Variants in LRRC4C observed in about 807,000 individuals in gnomAD.
LRRC4C encodes leucine rich repeat containing 4C, also known as leucine-rich repeat-containing protein 4C.
LRRC4C carries 5 observed loss-of-function variants against 33.6 expected under a neutral mutation model. That is an observed-to-expected ratio of 0.15 (90% CI 0.08 to 0.31). The LOEUF is 0.31. Ranked by LOEUF, LRRC4C falls within the 10% of genes least tolerant of loss-of-function variation. The pLI, the probability that LRRC4C is intolerant of heterozygous loss-of-function variation, is 1.00. For missense variants in LRRC4C, 560 were observed against 796.7 expected (o/e 0.70, Z 3.58); for synonymous variants, 329 against 302.0 (o/e 1.09, Z -0.93).
Position 41,080,542 on chromosome 11 carries a change from G to A in LRRC4C, c.-495-146819C>T, listed in dbSNP as rs143467259. Among the ~76,000 whole-genome samples the A allele has an allele frequency of 2.3e-3, 346 of 151,868 alleles. 2 individuals are homozygous for A. The highest frequency in any genetic ancestry group is 7.5e-3 in the African/African-American group (312 of 41,438). ...AATTTTTTGTATTTTTAGTAGAGAC[G>A]GAGTTTCTCCATGGTGGTCAGGCTG... On this transcript the variant is annotated intron_variant, in intron 1 of 6. Coordinates refer to ENST00000528697, the MANE Select transcript of LRRC4C (RefSeq NM_001258419.2).
chr11:40,769,396 C>CA (rs1949643149), intron 2 of LRRC4C, among the ~76,000 whole-genome samples: 1 of 152,084 alleles, frequency 6.6e-6, no homozygotes. Flanking sequence ...TTAAAATGTG[C>CA]ATGGTACCCA....
At chr11:40,460,870 A>C (rs1452302677) in intron 3 of LRRC4C, among the ~76,000 whole-genome samples, 2 of 152,162 alleles carry the variant, frequency 1.3e-5, no homozygotes, top group African/African-American at 4.8e-5. Context: ...TTCATATAAA[A>C]ACAATCATAA....
chr11:40,565,863 A>C (rs115481052), intron 3 of LRRC4C, among the ~76,000 whole-genome samples: 2,570 of 152,180 alleles, frequency 0.017, 89 homozygotes, highest in African/African-American at 0.058. Context: ...GAAAAATTTT[A>C]AAAAAGACAA....
At chr11:40,904,096 A>G (rs2136211604) in intron 2 of LRRC4C, among the ~76,000 whole-genome samples, 1 of 152,296 alleles carries the variant, frequency 6.6e-6, no homozygotes, top group East Asian at 1.9e-4. Flanking sequence ...ATGAGGAGTT[A>G]CTTCTGAGGG....
intron 3 of LRRC4C, among the ~76,000 whole-genome samples, chr11:40,323,146 C>T (rs1403985648): frequency 6.6e-6 from 1 of 152,088 alleles, no homozygotes; most frequent in African/African-American, 2.4e-5. Context: ...CACTCAAAGG[C>T]AGAAGTTCTC....
chr11:40,504,272 T>G (rs895377911), intron 3 of LRRC4C, among the ~76,000 whole-genome samples: 1 of 152,170 alleles, frequency 6.6e-6, no homozygotes, highest in Non-Finnish European at 1.5e-5. Context: ...ATATAACTTT[T>G]GTGAGTTTAA....
At chr11:40,295,563 TTC>T (rs1944468319) in intron 4 of LRRC4C, among the ~76,000 whole-genome samples, 1 of 152,182 alleles carries the variant, frequency 6.6e-6, no homozygotes, top group African/African-American at 2.4e-5. Flanking sequence ...TTTTTTCCTC[TTC>T]TGTTCCCATT....
At chr11:41,201,330 G>C (rs924836880) in intron 1 of LRRC4C, among the ~76,000 whole-genome samples, 3 of 152,168 alleles carry the variant, frequency 2.0e-5, no homozygotes, top group Non-Finnish European at 4.4e-5. Flanking sequence ...TAGGGAGCTC[G>C]TGTTCCCAAA....
At chr11:40,428,383 G>T (rs1485880819) in intron 3 of LRRC4C, among the ~76,000 whole-genome samples, 1 of 152,082 alleles carries the variant, frequency 6.6e-6, no homozygotes, top group Non-Finnish European at 1.5e-5. Context: ...CTTAGTCTCA[G>T]TTTTCCCATC....
intron 5 of LRRC4C, among the ~76,000 whole-genome samples, chr11:40,241,280 G>A (rs547484454): frequency 6.6e-6 from 1 of 152,244 alleles, no homozygotes; most frequent in Admixed American, 6.5e-5. Flanking sequence ...TACTCGGGAG[G>A]CTGAGATGGG....
At chr11:40,407,730 T>G (rs2137604629) in intron 3 of LRRC4C, among the ~76,000 whole-genome samples, 1 of 152,218 alleles carries the variant, frequency 6.6e-6, no homozygotes, top group African/African-American at 2.4e-5. Flanking sequence ...TGAAATATGG[T>G]TAGGCAATTT....
At chr11:41,385,998 A>G (rs1057420443) in intron 1 of LRRC4C, among the ~76,000 whole-genome samples, 2 of 151,648 alleles carry the variant, frequency 1.3e-5, no homozygotes, top group East Asian at 3.9e-4. Flanking sequence ...AAGCTATGCA[A>G]TTTTTATAAG....
chr11:41,346,573 G>A lies in LRRC4C; in HGVS notation c.-496+112858C>T, dbSNP rs189556458. On this transcript the variant is annotated intron_variant, in intron 1 of 6. Transcript: ENST00000528697. ...GAAAAATTATCAAACCAATACTATT[G>A]TAAACATGTTTTTCAGAGTACTAAT... 3.9e-5 allele frequency among the ~76,000 whole-genome samples: 6 copies of A among 152,208 alleles called. No individual in the cohort carries two copies. The East Asian group carries it at 1.2e-3, about 29-fold the overall frequency.
chr11:40,939,529 A>G (rs377411864), intron 1 of LRRC4C, among the ~76,000 whole-genome samples: 28 of 152,264 alleles, frequency 1.8e-4, no homozygotes, highest in African/African-American at 6.7e-4. Flanking sequence ...TCAAGACACA[A>G]TAGTTAACTG....
intron 1 of LRRC4C, among the ~76,000 whole-genome samples, chr11:41,188,901 GCCC>G (rs531976924): frequency 5.1e-4 from 64 of 124,346 alleles, no homozygotes; most frequent in African/African-American, 1.4e-3. Context: ...AACAGGACCT[GCCC>G]CCCCCCCCAA....
chr11:41,087,364 C>T (rs1174220885), intron 1 of LRRC4C, among the ~76,000 whole-genome samples: 1 of 152,124 alleles, frequency 6.6e-6, no homozygotes, highest in Non-Finnish European at 1.5e-5. Context: ...CTACCCAGCT[C>T]CACCAAACAT....
At chr11:40,181,567 T>C (rs1434427375) in intron 5 of LRRC4C, among the ~76,000 whole-genome samples, 2 of 152,208 alleles carry the variant, frequency 1.3e-5, no homozygotes, top group Non-Finnish European at 2.9e-5. Flanking sequence ...TAGATGGCAA[T>C]CATGAAAGTC....
chr11:40,211,266 G>A (rs374110933), intron 5 of LRRC4C, among the ~76,000 whole-genome samples: 166 of 152,150 alleles, frequency 1.1e-3, no homozygotes, highest in Admixed American at 1.2e-3. Context: ...ACCTAAACCC[G>A]TGCTTGGCAC....
chr11:40,792,319 A>G (rs1042065176), intron 2 of LRRC4C, among the ~76,000 whole-genome samples: 3 of 152,318 alleles, frequency 2.0e-5, no homozygotes, highest in East Asian at 1.9e-4. Context: ...TAGTGCTACC[A>G]GTTTTGAAAG....
Sources: gnomAD v4.1 joint callset for allele counts (sites outside exome capture counted in the v4.1 genomes callset) on GRCh38, gnomAD v4.1.1 for gene constraint, MANE v1.5 for transcripts, NCBI Gene and HGNC (gene_info 2026-07-23, HGNC 2026-07-21) for gene names.